The following SETD1B variants were observed in gnomAD, a reference collection of about 807,000 sequenced individuals.
SETD1B encodes the protein histone-lysine N-methyltransferase SETD1B.
Under a neutral mutation model 148.0 loss-of-function variants are expected in SETD1B, and 7 were observed. The ratio of observed to expected loss-of-function variants is 0.05; its 90% CI spans 0.03 to 0.09. The LOEUF (loss-of-function observed/expected upper bound fraction) is 0.09. SETD1B is among the 10% of genes least tolerant of loss of function. The probability of loss-of-function intolerance (pLI) is 1.00; values close to 1 mark genes in which losing one functional copy is unlikely to be tolerated. For synonymous variants in SETD1B, 1,361 were observed against 1,186.5 expected, an observed-to-expected ratio of 1.15 and a Z score of -3.02; for missense variants, 2,155 against 2,729.9, an observed-to-expected ratio of 0.79 and a Z score of 4.69.
At chr12:121,792,129 T>C in the SETD1B span, among the ~76,000 whole-genome samples, 12 of 133,036 alleles carry the variant, frequency 9.0e-5, no homozygotes, top group African/African-American at 4.0e-4. Flanking sequence ...GACAGCCCCT[T>C]TTCGGGTCCT....
chr12:121,801,234 C>G (rs558468204), upstream of SETD1B: 1 of 152,340 alleles, frequency 6.6e-6, no homozygotes, highest in South Asian at 2.1e-4. Flanking sequence ...CGATGAGGCT[C>G]CCTAGTGTTT....
At chr12:121,822,407 G>C in intron 11 of SETD1B, 83 bp from the exon 12 acceptor site, 2 of 1,450,808 alleles carry the variant, frequency 1.4e-6, no homozygotes, top group Non-Finnish European at 1.8e-6. Flanking sequence ...CTGTGAGCCT[G>C]CCAGGTATGG....
chr12:121,830,875 C>A lies in SETD1B; in HGVS notation c.*636C>A, dbSNP rs1877062592. 6.6e-6 allele frequency: 1 copy of A among 152,468 alleles called. No individual in the cohort carries two copies. The highest frequency in any genetic ancestry group is 1.5e-5 in the Non-Finnish European group (1 of 68,308). 9.4% of individuals were successfully genotyped at this position (152,468 alleles called of 1,614,324 possible). ...ACAGTGAGGAGACCCCACACCTTTC[C>A]CCACCCGAGCTGCAGCCTGTTCCTT... On this transcript the variant is annotated 3_prime_UTR_variant, in exon 17 of 17. Transcript: ENST00000604567. This position sits in a 1 kb window ranked among gnomAD's most constrained non-coding sequence, Gnocchi z 5.7.
At chr12:121,796,867 T>C in the SETD1B span, among the ~76,000 whole-genome samples, 1 of 152,082 alleles carries the variant, frequency 6.6e-6, no homozygotes, top group Admixed American at 6.5e-5. Context: ...GGAGAAACCC[T>C]GTCTCTACTA....
rs865984921 is a variant in SETD1B at position 121,825,536 on chromosome 12, G to A, written c.5337+170G>A. On this transcript the variant is annotated intron_variant, in intron 13 of 16. Coordinates refer to ENST00000604567, the MANE Select transcript of SETD1B (RefSeq NM_001353345.2). ...GCGGGTGGGCGGGGCCTAGGAGAAG[G>A]AAGGAGTTTGCCTTAGTCCCATGGG... Among the ~76,000 whole-genome samples the A allele has an allele frequency of 2.0e-5, 3 of 152,196 alleles. No homozygotes were observed. The South Asian group carries it at 6.2e-4, about 32-fold the overall frequency.
At chr12:121,825,859 TGGTCTCGA>T (rs1555338352) in intron 13 of SETD1B, among the ~76,000 whole-genome samples, 1 of 152,152 alleles carries the variant, frequency 6.6e-6, no homozygotes, top group Non-Finnish European at 1.5e-5. Context: ...TTGGCCAGGT[TGGTCTCGA>T]ACTCCTGACC....
At chr12:121,824,979 C>CA (rs780514725) in intron 12 of SETD1B, among the ~76,000 whole-genome samples, 5,399 of 56,654 alleles carry the variant, frequency 0.095, 155 homozygotes, top group African/African-American at 0.11. Flanking sequence ...GACCCTGTCT[C>CA]AAAAAAAAAA....
At position 121,816,945 on chromosome 12, in the gene SETD1B, G is replaced by A. The variant is rs970247291; in HGVS notation, c.2716-88G>A. ...GTTACCTGTGGTGGCTGTTACTGCC[G>A]AGTGGAAGGCAGGTAGCCTGGGGAG... On this transcript the variant is annotated intron_variant, in intron 7 of 16. Coordinates refer to ENST00000604567, the MANE Select transcript of SETD1B (RefSeq NM_001353345.2). 66 of 1,233,282 alleles carry A rather than the reference G, an allele frequency of 5.4e-5. No homozygotes were observed. The Admixed American group carries it at 5.7e-4, about 11-fold the overall frequency. 76.4% of individuals were successfully genotyped at this position (1,233,282 alleles called of 1,614,324 possible). A position where few individuals can be genotyped will look rare whatever the true frequency, so the allele number is the denominator to read the frequency against.
chr12:121,822,879 C>T lies in SETD1B; in HGVS notation c.4300C>T (p.Pro1434Ser). The change falls in exon 12 of 17, where the codon CCC (proline) becomes TCC (serine). Residue 1434 changes from proline to serine, a missense_variant. Pro to Ser is a moderately conservative substitution (Grantham distance 74). Around this residue, in one of 11 missense-constraint regions of SETD1B, gnomAD observed 862 missense variants for 873.8 expected, o/e 0.99. Coordinates refer to ENST00000604567, the MANE Select transcript of SETD1B (RefSeq NM_001353345.2). ...ACCTGGCCGGGACTTCAGCTTCACA[C>T]CCACCTTCTCCGAGCCCAGCGGGCC... Reference protein sequence around the residue: ...RTPGRDFSFTPTFSEPSGPLL... With the variant: ...RTPGRDFSFTSTFSEPSGPLL... 6.7e-7 allele frequency: 1 copy of T among 1,489,024 alleles called. No homozygotes were observed. Among genetic ancestry groups the T allele is most frequent in the Non-Finnish European group, 9.0e-7 (1 of 1,114,020 alleles). 92.2% of individuals were successfully genotyped at this position (1,489,024 alleles called of 1,614,324 possible).
At chr12:121,812,559 A>G (rs915140662) in intron 6 of SETD1B, among the ~76,000 whole-genome samples, 5 of 151,490 alleles carry the variant, frequency 3.3e-5, no homozygotes, top group African/African-American at 1.2e-4. Flanking sequence ...AGGGAGGGGC[A>G]GGGCCGGCCG....
rs1416253056 is a variant in SETD1B, at chr12:121,819,754, G to A, written c.3769G>A (p.Val1257Met). 5.2e-6 allele frequency: 8 copies of A among 1,551,406 alleles called. No individual in the cohort carries two copies. The East Asian group carries it at 1.2e-4, about 24-fold the overall frequency. ...PSMLDEPPLP[V>M]GVEEPADSRE... is the part of the protein sequence containing the mutation. Reference sequence around the variant, plus strand: ...CATGCTGGACGAGCCCCCCTTGCCTGTGGGTGTTGAAGAGCCAGCGGACTC... The same window carrying A: ...CATGCTGGACGAGCCCCCCTTGCCTATGGGTGTTGAAGAGCCAGCGGACTC... The change falls in exon 11 of 17, where the codon GTG becomes ATG. Residue 1257 changes from valine (V) to methionine (M), a missense_variant. Coordinates refer to ENST00000604567, the MANE Select transcript of SETD1B (RefSeq NM_001353345.2).
At position 121,823,092 on chromosome 12, in the gene SETD1B, C is replaced by T. The variant is rs1198813602; in HGVS notation, c.4513C>T (p.Pro1505Ser). 2 of 1,109,348 alleles carry T rather than the reference C, an allele frequency of 1.8e-6. No individual in the cohort carries two copies. Among genetic ancestry groups the T allele is most frequent in the South Asian group, 1.4e-5 (1 of 73,862 alleles). 68.7% of individuals were successfully genotyped at this position (1,109,348 alleles called of 1,614,324 possible). Reference protein sequence around the residue: ...RAPTPLPPLLPAPLASCPPPM... With the variant: ...RAPTPLPPLLSAPLASCPPPM... ...GCCCACCCCGCTGCCACCCCTGCTG[C>T]CCGCCCCCCTGGCCTCTTGCCCTCC... The change falls in exon 12 of 17, where the codon CCC becomes TCC. Residue 1505 changes from proline (P) to serine (S), a missense_variant. By Grantham distance (74) the Pro-to-Ser change is moderately conservative. Transcript: ENST00000604567.
At chr12:121,812,205 G>T (rs1876067293) in intron 6 of SETD1B, among the ~76,000 whole-genome samples, 1 of 152,154 alleles carries the variant, frequency 6.6e-6, no homozygotes, top group African/African-American at 2.4e-5. Flanking sequence ...GCAGTGCGGG[G>T]AGCTGGACCC....
chr12:121,809,490 A>G, intron 5 of SETD1B, 113 bp from the exon 6 acceptor site: 1 of 1,136,124 alleles, frequency 8.8e-7, no homozygotes, highest in South Asian at 1.6e-5. Context: ...CTTATGCTGC[A>G]GTTCTAGAGC....
At chr12:121,822,154 G>A (rs1049590904) in intron 11 of SETD1B, among the ~76,000 whole-genome samples, 14 of 152,206 alleles carry the variant, frequency 9.2e-5, no homozygotes, top group African/African-American at 2.7e-4. Context: ...TGAAGGCTCC[G>A]ACAAGTCCTG....
intron 11 of SETD1B, among the ~76,000 whole-genome samples, chr12:121,820,536 T>G (rs1008728188): frequency 2.6e-4 from 39 of 152,188 alleles, no homozygotes; most frequent in Admixed American, 6.5e-5. Context: ...TTTTTATTTT[T>G]ATTTTTATTT....
In SETD1B at chr12:121,830,046, C is replaced by G; in HGVS notation, c.5728-20C>G. ...CCCTGGGGGACCAGGGGCTCATTCT[C>G]CCCCCCACCTTGCCTGCAGCCCAAC... On this transcript the variant is annotated intron_variant, in intron 16 of 16. Coordinates refer to ENST00000604567, the MANE Select transcript of SETD1B (RefSeq NM_001353345.2). This position sits in a 1 kb window ranked among gnomAD's most constrained non-coding sequence, Gnocchi z 5.7. 1.3e-6 allele frequency: 2 copies of G among 1,540,772 alleles called. No individual in the cohort carries two copies. Among genetic ancestry groups the G allele is most frequent in the Non-Finnish European group, 1.8e-6 (2 of 1,139,688 alleles).
At chr12:121,813,932 A>G (rs1876157176) in intron 6 of SETD1B, among the ~76,000 whole-genome samples, 174 bp from the exon 7 acceptor site, 1 of 152,166 alleles carries the variant, frequency 6.6e-6, no homozygotes, top group African/African-American at 2.4e-5. Flanking sequence ...TCCATGAGGC[A>G]GGGACTATGA....
chr12:121,823,702 A>G lies in SETD1B; in HGVS notation c.5123A>G (p.Asp1708Gly). 6.4e-7 allele frequency: 1 copy of G among 1,551,566 alleles called. No homozygotes were observed. The highest frequency in any genetic ancestry group is 8.7e-7 in the Non-Finnish European group (1 of 1,146,976). ...ACCTACGAGCGACTGCTACAGCAGG[A>G]CAATGGCATGGACTGGCTTAACGAC... ...CVTYERLLQQ[D>G]NGMDWLNDTL... The change falls in exon 12 of 17, where the codon GAC becomes GGC. Residue 1708 changes from aspartate (D) to glycine (G), a missense_variant. By Grantham distance (94) the Asp-to-Gly change is moderately conservative (BLOSUM62 -1). Transcript: ENST00000604567.
Sources: allele counts gnomAD v4.1 joint callset (sites outside exome capture counted in the v4.1 genomes callset), GRCh38; gene constraint gnomAD v4.1.1; regional missense constraint gnomAD v4.1.1; non-coding constraint Gnocchi (gnomAD v3.1); transcripts MANE v1.5; gene names NCBI Gene and HGNC (gene_info 2026-07-23, HGNC 2026-07-21).